The following GPD2 variants were observed in gnomAD, a reference collection of about 807,000 sequenced individuals.
GPD2 encodes the protein glycerol-3-phosphate dehydrogenase 2.
In GPD2, 54 loss-of-function variants were observed where a neutral mutation model predicts 82.4. That is an observed-to-expected ratio of 0.66 (90% CI 0.53 to 0.82). The LOEUF is 0.82. Among genes scored for constraint, GPD2 ranks in the 40% least tolerant of loss-of-function variants. The pLI is 0.00. For missense variants in GPD2, 748 were observed against 896.2 expected (o/e 0.83, Z 2.11); for synonymous variants, 288 against 306.1 (o/e 0.94, Z 0.62).
the GPD2 span, among the ~76,000 whole-genome samples, chr2:156,423,422 A>G: frequency 6.6e-6 from 1 of 152,302 alleles, no homozygotes; most frequent in African/African-American, 2.4e-5. Flanking sequence ...TCTGTAATAA[A>G]ATACCTACAT....
intron 2 of GPD2, among the ~76,000 whole-genome samples, chr2:156,484,334 G>A (rs1031073278): frequency 6.6e-6 from 1 of 151,716 alleles, no homozygotes; most frequent in Admixed American, 6.6e-5. Context: ...ATGGGGTTTC[G>A]CCATGTTGGC....
chr2:156,501,227 A>G (rs926504546), intron 3 of GPD2, among the ~76,000 whole-genome samples: 3 of 152,060 alleles, frequency 2.0e-5, no homozygotes, highest in African/African-American at 4.8e-5. Context: ...CAAATTCCAG[A>G]GAAGACTGCC....
intron 1 of GPD2, among the ~76,000 whole-genome samples, chr2:156,471,374 T>G (rs1026475818): frequency 2.0e-5 from 3 of 152,232 alleles, no homozygotes; most frequent in Non-Finnish European, 2.9e-5. Context: ...TTACAGAACG[T>G]TAGACAAAAC....
intron 2 of GPD2, among the ~76,000 whole-genome samples, chr2:156,494,170 ATAAG>A (rs1490486136): frequency 1.3e-5 from 2 of 152,172 alleles, no homozygotes; most frequent in Non-Finnish European, 2.9e-5. Context: ...TAGCCTGATA[ATAAG>A]TTTTTGTTTT....
the GPD2 span, among the ~76,000 whole-genome samples, chr2:156,415,302 G>A: frequency 1.3e-5 from 2 of 151,386 alleles, no homozygotes; most frequent in African/African-American, 2.4e-5. Context: ...GGTATTACAC[G>A]CGCCCGCCAC....
At chr2:156,412,538 CTCTG>C in the GPD2 span, among the ~76,000 whole-genome samples, 2 of 152,120 alleles carry the variant, frequency 1.3e-5, no homozygotes, top group South Asian at 4.2e-4. Context: ...CATTTAGCCC[CTCTG>C]TCTCAGTTTT....
At chr2:156,502,875 C>T (rs553431845) in intron 3 of GPD2, among the ~76,000 whole-genome samples, 2 of 151,546 alleles carry the variant, frequency 1.3e-5, no homozygotes, top group African/African-American at 2.4e-5. Flanking sequence ...TTTTTTATTC[C>T]ATGTGCATTT....
chr2:156,549,921 G>C lies in GPD2; in HGVS notation c.826+149G>C, dbSNP rs796746602. 6.8e-6 allele frequency: 5 copies of C among 739,156 alleles called. No individual in the cohort carries two copies. In the East Asian group the frequency reaches 1.4e-4, roughly 20 times the overall value. 45.8% of individuals were successfully genotyped at this position (739,156 alleles called of 1,614,324 possible). On this transcript the variant is annotated intron_variant, in intron 7 of 16. Transcript: ENST00000438166. ...TATTCGTTATTGTCAGCAATGACTG[G>C]TTTAACGTGAAAATTTCCCTTGTAG...
chr2:156,527,785 G>C (rs1234553475), intron 6 of GPD2, among the ~76,000 whole-genome samples: 1 of 152,048 alleles, frequency 6.6e-6, no homozygotes, highest in African/African-American at 2.4e-5. Context: ...GATAGACCAG[G>C]TAAATCAGTA....
chr2:156,461,893 C>T (rs953270820), intron 1 of GPD2, among the ~76,000 whole-genome samples: 5 of 152,202 alleles, frequency 3.3e-5, no homozygotes, highest in African/African-American at 1.2e-4. Flanking sequence ...AACCAATGCT[C>T]CTCCTCCTGT....
chr2:156,472,525 T>C (rs916657188), intron 1 of GPD2, among the ~76,000 whole-genome samples: 2 of 152,150 alleles, frequency 1.3e-5, no homozygotes, highest in South Asian at 2.1e-4. Flanking sequence ...TTTCAGCATG[T>C]TGGCCAGGCT....
chr2:156,419,273 G>T, the GPD2 span, among the ~76,000 whole-genome samples: 1 of 151,892 alleles, frequency 6.6e-6, no homozygotes, highest in Non-Finnish European at 1.5e-5. Context: ...TGGTCAGGCT[G>T]GTCTCGAACT....
chr2:156,579,210 A>G, intron 15 of GPD2, 46 bp downstream of exon 15: 3 of 1,048,166 alleles, frequency 2.9e-6, no homozygotes, highest in East Asian at 2.4e-5. Flanking sequence ...AGAAGAATAT[A>G]AAAATATTAG....
At chr2:156,457,298 A>C (rs1324298066) in intron 1 of GPD2, among the ~76,000 whole-genome samples, 1 of 152,174 alleles carries the variant, frequency 6.6e-6, no homozygotes, top group Non-Finnish European at 1.5e-5. Context: ...TCAGGCCACA[A>C]ACCTTTGCTC....
At chr2:156,532,198 G>T (rs1390612418) in intron 6 of GPD2, among the ~76,000 whole-genome samples, 1 of 152,090 alleles carries the variant, frequency 6.6e-6, no homozygotes, top group Non-Finnish European at 1.5e-5. Context: ...GCAGAGACAA[G>T]GCCTTGCTTT....
chr2:156,401,140 C>CA, the GPD2 span, among the ~76,000 whole-genome samples: 12 of 152,262 alleles, frequency 7.9e-5, no homozygotes, highest in South Asian at 1.0e-3. Context: ...AACTAGAAGT[C>CA]AAAACTTGCA....
the GPD2 span, among the ~76,000 whole-genome samples, chr2:156,408,711 T>TAAA: frequency 1.6e-3 from 135 of 82,028 alleles, no homozygotes; most frequent in African/African-American, 5.9e-3. Context: ...CTGCACCTGG[T>TAAA]AAAAAAAAAA....
At chr2:156,437,776 T>G (rs1682004027) in intron 1 of GPD2, among the ~76,000 whole-genome samples, 1 of 152,176 alleles carries the variant, frequency 6.6e-6, no homozygotes, top group Non-Finnish European at 1.5e-5. Context: ...TGTGATTCAT[T>G]CAAAGATGCA....
At chr2:156,552,894 C>CTTTTTT (rs771404828) in intron 8 of GPD2, among the ~76,000 whole-genome samples, 11 of 107,356 alleles carry the variant, frequency 1.0e-4, no homozygotes, top group Non-Finnish European at 1.3e-4. Flanking sequence ...TTCCTTATAT[C>CTTTTTT]TTTTTTTTTT....
Sources: gnomAD v4.1 joint callset for allele counts (sites outside exome capture counted in the v4.1 genomes callset) on GRCh38, gnomAD v4.1.1 for gene constraint, MANE v1.5 for transcripts, NCBI Gene and HGNC (gene_info 2026-07-23, HGNC 2026-07-21) for gene names.